Variants in UBE4A observed in about 807,000 individuals in gnomAD.
UBE4A encodes ubiquitination factor E4A, also known as ubiquitin conjugation factor E4 A.
Under a neutral mutation model 117.9 loss-of-function variants are expected in UBE4A, and 48 were observed. The ratio of observed to expected loss-of-function variants is 0.41; its 90% CI spans 0.32 to 0.52. The LOEUF (loss-of-function observed/expected upper bound fraction) is 0.52. Among genes scored for constraint, UBE4A ranks in the 20% least tolerant of loss-of-function variants. UBE4A has a pLI of 0.33. For missense variants in UBE4A, 1,067 were observed against 1,296.3 expected (o/e 0.82, Z 2.72); for synonymous variants, 407 against 450.0 (o/e 0.90, Z 1.21).
At chr11:118,381,336 A>G in intron 11 of UBE4A, 55 bp from the exon 12 acceptor site, 1 of 1,595,190 alleles carries the variant, frequency 6.3e-7, no homozygotes, top group Non-Finnish European at 8.6e-7. Context: ...AATGTTGTTT[A>G]TTAGTACAGA....
intron 19 of UBE4A, 110 bp downstream of exon 19, chr11:118,393,005 A>T: frequency 1.9e-6 from 2 of 1,069,896 alleles, no homozygotes; most frequent in South Asian, 3.5e-5. Context: ...ACCACATATT[A>T]TTGATTTACT....
At chr11:118,390,920 T>A in intron 18 of UBE4A, 116 bp downstream of exon 18, 4 of 1,350,744 alleles carry the variant, frequency 3.0e-6, no homozygotes, top group Non-Finnish European at 4.1e-6. Context: ...GAGGATCACT[T>A]AAGCCCAGGA....
At chr11:118,373,754 A>G (rs1179857712) in intron 8 of UBE4A, 69 bp downstream of exon 8, 3 of 1,509,100 alleles carry the variant, frequency 2.0e-6, no homozygotes, top group Non-Finnish European at 2.7e-6. Context: ...GCAGATACAG[A>G]TAAGGCTGCT....
intron 1 of UBE4A, among the ~76,000 whole-genome samples, chr11:118,360,121 C>T (rs575594600): frequency 6.6e-5 from 10 of 152,306 alleles, no homozygotes; most frequent in African/African-American, 1.9e-4. Flanking sequence ...TCAATGCATA[C>T]GTCAGGGTGT....
At chr11:118,368,526 TAC>T in intron 2 of UBE4A, 103 bp from the exon 3 acceptor site, 1 of 1,298,196 alleles carries the variant, frequency 7.7e-7, no homozygotes, top group South Asian at 1.4e-5. Flanking sequence ...TAGCTTGTTT[TAC>T]ATCTGAAATT....
intron 17 of UBE4A, 105 bp from the exon 18 acceptor site, chr11:118,390,552 T>G (rs1476155537): frequency 1.3e-6 from 1 of 751,758 alleles, no homozygotes; most frequent in African/African-American, 1.8e-5. Flanking sequence ...AAAAGAATGT[T>G]CATGGCTTTT....
At chr11:118,380,138 T>TGC (rs1316330016) in intron 11 of UBE4A, among the ~76,000 whole-genome samples, 2 of 56,400 alleles carry the variant, frequency 3.5e-5, no homozygotes, top group Non-Finnish European at 6.3e-5. Context: ...TGTGTGCGTG[T>TGC]GTGTGTGTGT....
intron 9 of UBE4A, among the ~76,000 whole-genome samples, chr11:118,375,562 T>C (rs1555125257): frequency 6.6e-6 from 1 of 151,964 alleles, no homozygotes; most frequent in Non-Finnish European, 1.5e-5. Context: ...AGTTTCACCA[T>C]GTTGGCCAGG....
intron 6 of UBE4A, 156 bp downstream of exon 6, chr11:118,372,822 A>G: frequency 8.6e-7 from 1 of 1,164,106 alleles, no homozygotes; most frequent in Non-Finnish European, 1.2e-6. Context: ...TACCAATAGA[A>G]TAAAGCTGGG....
intron 17 of UBE4A, 65 bp from the exon 18 acceptor site, chr11:118,390,592 A>G (rs1210682923): frequency 1.5e-6 from 2 of 1,346,460 alleles, no homozygotes; most frequent in African/African-American, 1.5e-5. Context: ...TCTGCAGCCT[A>G]CCTATTGTCT....
Position 118,398,942 on chromosome 11 carries a change from C to A in UBE4A, c.*2502C>A. 1 of 318,288 alleles carries A rather than the reference C, an allele frequency of 3.1e-6. No homozygotes were observed. The highest frequency in any genetic ancestry group is 6.6e-6 in the Non-Finnish European group (1 of 152,606). 19.7% of individuals were successfully genotyped at this position (318,288 alleles called of 1,614,324 possible). A position where few individuals can be genotyped will look rare whatever the true frequency, so the allele number is the denominator to read the frequency against. The stretch of plus-strand genomic sequence containing the variant: ...ACTTTATTTGATGGTGGTTGCTAAG[C>A]AGCCATTGCACAGAGCATAAGTCTA... On this transcript the variant is annotated 3_prime_UTR_variant, in exon 20 of 20. Transcript: ENST00000252108.
chr11:118,368,821 T>A lies in UBE4A; in HGVS notation c.295+17T>A. 3 of 1,613,446 alleles carry A rather than the reference T, an allele frequency of 1.9e-6. No homozygotes were observed. Among genetic ancestry groups the A allele is most frequent in the Non-Finnish European group, 2.5e-6 (3 of 1,179,512 alleles). On this transcript the variant is annotated intron_variant, in intron 3 of 19. Coordinates refer to ENST00000252108, the MANE Select transcript of UBE4A (RefSeq NM_001204077.2). ...TGGACAACAGTGAGTTACAAACTTA[T>A]AGCATTATTCTACCCTTCCTATTTG...
intron 19 of UBE4A, among the ~76,000 whole-genome samples, chr11:118,395,892 T>C (rs535313994): frequency 1.3e-5 from 2 of 152,240 alleles, no homozygotes; most frequent in South Asian, 4.1e-4. Context: ...CTGGCCAACA[T>C]GGTGAAACTC....
chr11:118,384,516 G>A (rs1352133197), intron 13 of UBE4A, 119 bp from the exon 14 acceptor site: 4 of 853,130 alleles, frequency 4.7e-6, no homozygotes, highest in African/African-American at 3.4e-5. Flanking sequence ...GGCAGATTTT[G>A]TTAGTAGCCT....
At position 118,390,021 on chromosome 11, in the gene UBE4A, A is replaced by G. The variant is rs1156824561; in HGVS notation, c.2768+116A>G. Reference sequence around the variant, plus strand: ...AATAGAAAAGAAATGGTTAATTCCTAGTTGCTTGATGAAGGAATCTTCTGT... The same window carrying G: ...AATAGAAAAGAAATGGTTAATTCCTGGTTGCTTGATGAAGGAATCTTCTGT... On this transcript the variant is annotated intron_variant, in intron 17 of 19. Coordinates refer to ENST00000252108, the MANE Select transcript of UBE4A (RefSeq NM_001204077.2). 10 of 1,138,194 alleles carry G rather than the reference A, an allele frequency of 8.8e-6. No individual in the cohort carries two copies. The East Asian group carries it at 2.6e-4, about 30-fold the overall frequency. 70.5% of individuals were successfully genotyped at this position (1,138,194 alleles called of 1,614,324 possible).
chr11:118,386,057 G>A lies in UBE4A; in HGVS notation c.2413-381G>A, dbSNP rs58857826. Among the ~76,000 whole-genome samples the A allele has an allele frequency of 2.9e-3, 449 of 152,230 alleles. 2 individuals carry two copies. Among genetic ancestry groups the A allele is most frequent in the African/African-American group, 0.01 (427 of 41,532 alleles). On this transcript the variant is annotated intron_variant, in intron 15 of 19. Coordinates refer to ENST00000252108, the MANE Select transcript of UBE4A (RefSeq NM_001204077.2). ...TTTTTTTGTAAGCAATTTGGCAGGG[G>A]GGATTTGTTTTCATCTTTCAGGAAG... is the stretch of plus-strand genomic sequence containing the variant.
chr11:118,374,480 A>G (rs1359925721), intron 8 of UBE4A, among the ~76,000 whole-genome samples: 1 of 152,248 alleles, frequency 6.6e-6, no homozygotes, highest in African/African-American at 2.4e-5. Flanking sequence ...AGCAGTGGCC[A>G]AATCTGGCCT....
intron 1 of UBE4A, among the ~76,000 whole-genome samples, chr11:118,361,307 A>G (rs1948519406): frequency 6.6e-6 from 1 of 152,198 alleles, no homozygotes; most frequent in Admixed American, 6.5e-5. Flanking sequence ...GGCATGACCT[A>G]CTGCGCCCGG....
At chr11:118,390,975 T>A (rs145920032) in intron 18 of UBE4A, among the ~76,000 whole-genome samples, 171 bp downstream of exon 18, 1 of 152,222 alleles carries the variant, frequency 6.6e-6, no homozygotes, top group Non-Finnish European at 1.5e-5. Flanking sequence ...GGATAGCCAC[T>A]ACACTCCAGC....
Sources: gnomAD v4.1 joint callset for allele counts (sites outside exome capture counted in the v4.1 genomes callset) on GRCh38, gnomAD v4.1.1 for gene constraint, MANE v1.5 for transcripts, NCBI Gene and HGNC (gene_info 2026-07-23, HGNC 2026-07-21) for gene names.